Variants in SHTN1 observed in about 807,000 individuals in gnomAD.
SHTN1 encodes the protein shootin 1.
A neutral mutation model predicts 83.1 loss-of-function variants in SHTN1; 42 were observed. The observed-to-expected ratio is 0.51, with a 90% CI of 0.39 to 0.65. The LOEUF is 0.65. Ranked by LOEUF, SHTN1 falls within the 30% of genes least tolerant of loss-of-function variation. The pLI is 0.00. For synonymous variants in SHTN1, 224 were observed against 247.7 expected (o/e 0.90, Z 0.90); for missense variants, 622 against 737.8 (o/e 0.84, Z 1.82).
At chr10:117,008,068 C>A (rs1048454456), upstream of SHTN1, among the ~76,000 whole-genome samples, 1 of 151,894 alleles carries the variant, frequency 6.6e-6, no homozygotes, top group African/African-American at 2.4e-5. Context: ...TACTATTGAC[C>A]TCCAAATAAC....
chr10:117,008,444 T>C (rs1852053531), upstream of SHTN1, among the ~76,000 whole-genome samples: 1 of 152,168 alleles, frequency 6.6e-6, no homozygotes, highest in African/African-American at 2.4e-5. Flanking sequence ...CCTAAAAGGC[T>C]TATGTACAGA....
intron 16 of SHTN1, among the ~76,000 whole-genome samples, chr10:116,892,688 A>T (rs564472461): frequency 6.6e-6 from 1 of 152,326 alleles, no homozygotes; most frequent in Non-Finnish European, 1.5e-5. Flanking sequence ...AAAGTCACAA[A>T]TTACTTTTCA....
intron 3 of SHTN1, among the ~76,000 whole-genome samples, 182 bp downstream of exon 3, chr10:116,968,470 A>C (rs979090692): frequency 6.6e-6 from 1 of 152,222 alleles, no homozygotes; most frequent in African/African-American, 2.4e-5. Flanking sequence ...TGAAACAATG[A>C]TGTTTATTCC....
intron 1 of SHTN1, among the ~76,000 whole-genome samples, chr10:117,056,759 C>T (rs907896456): frequency 2.0e-5 from 3 of 151,986 alleles, no homozygotes; most frequent in African/African-American, 7.3e-5. Context: ...TGCAGTGAGC[C>T]GAGATGGTGC....
chr10:116,978,596 A>G (rs1053448132), intron 2 of SHTN1, among the ~76,000 whole-genome samples: 9 of 149,946 alleles, frequency 6.0e-5, no homozygotes, highest in Admixed American at 4.0e-4. Context: ...TACAAGAAAT[A>G]TATATATATA....
At chr10:116,894,201 A>G (rs1164218289) in intron 16 of SHTN1, among the ~76,000 whole-genome samples, 1 of 152,270 alleles carries the variant, frequency 6.6e-6, no homozygotes, top group Non-Finnish European at 1.5e-5. Flanking sequence ...ATGAACTCTT[A>G]CAAAAATAAA....
At chr10:117,077,628 C>T (rs1393830768) in intron 1 of SHTN1, among the ~76,000 whole-genome samples, 1 of 152,064 alleles carries the variant, frequency 6.6e-6, no homozygotes, top group African/African-American at 2.4e-5. Flanking sequence ...TCTCTCCCCG[C>T]TCCCCCCACC....
chr10:116,900,625 T>C (rs145125763), intron 16 of SHTN1: 181 of 1,524,504 alleles, frequency 1.2e-4, no homozygotes, highest in African/African-American at 1.1e-3. Context: ...CAAATTGCTT[T>C]TGTGTCTGGA....
chr10:117,039,643 G>A (rs975598477), intron 2 of SHTN1, among the ~76,000 whole-genome samples: 6 of 152,106 alleles, frequency 3.9e-5, no homozygotes, highest in Non-Finnish European at 5.9e-5. Context: ...CACGAGGTCA[G>A]GAGATCAAGA....
Position 116,985,114 on chromosome 10 carries a change from T to A in SHTN1, c.59-5806A>T, listed in dbSNP as rs576500454. 7.3e-4 allele frequency among the ~76,000 whole-genome samples: 111 copies of A among 152,356 alleles called. 2 individuals carry two copies. The South Asian group carries it at 0.022, about 30-fold the overall frequency. On this transcript the variant is annotated intron_variant, in intron 1 of 16. Coordinates refer to ENST00000355371, the MANE Select transcript of SHTN1 (RefSeq NM_001127211.3). ...CATACAGCTCTATTGGAGCATCTAC[T>A]TATAACATTATAAATTATCTGTGCA...
chr10:116,990,096 A>T (rs1352943491), intron 1 of SHTN1, among the ~76,000 whole-genome samples: 3 of 152,020 alleles, frequency 2.0e-5, no homozygotes, highest in African/African-American at 7.2e-5. Flanking sequence ...GAAGGTAAAA[A>T]TTTTTCCTTG....
chr10:116,940,439 C>G, intron 9 of SHTN1, 27 bp downstream of exon 9: 1 of 1,610,730 alleles, frequency 6.2e-7, no homozygotes, highest in East Asian at 2.2e-5. Flanking sequence ...GTGTGTGTAC[C>G]TAAGATTCCA....
In SHTN1 at chr10:116,883,005, G is replaced by A. The variant is rs1358928687; in HGVS notation, c.*3339C>T. On this transcript the variant is annotated 3_prime_UTR_variant, in exon 17 of 17. Coordinates refer to ENST00000355371, the MANE Select transcript of SHTN1 (RefSeq NM_001127211.3). Reference sequence around the variant, plus strand: ...ACACACACACACACACACACATCATGAGACTATGCCCTGGAACAGTGATAT... The same window carrying A: ...ACACACACACACACACACACATCATAAGACTATGCCCTGGAACAGTGATAT... The A allele has an allele frequency of 6.8e-6, 1 of 148,074 alleles. No homozygotes were observed. The highest frequency in any genetic ancestry group is 2.6e-5 in the African/African-American group (1 of 38,516). The allele number at this position is 148,074 out of a possible 1,614,324, so 9.2% of individuals were successfully genotyped here.
At chr10:117,117,851 G>A (rs1178334260) in intron 1 of SHTN1, among the ~76,000 whole-genome samples, 3 of 152,116 alleles carry the variant, frequency 2.0e-5, no homozygotes, top group Non-Finnish European at 4.4e-5. Context: ...GCGGCCAAAT[G>A]AAACTAGACC....
At chr10:117,012,216 A>C (rs1162186536) in intron 2 of SHTN1, among the ~76,000 whole-genome samples, 1 of 152,100 alleles carries the variant, frequency 6.6e-6, no homozygotes, top group African/African-American at 2.4e-5. Context: ...TTTAACCTAT[A>C]GATCCAATGC....
chr10:116,993,217 G>A (rs548735667), intron 1 of SHTN1, among the ~76,000 whole-genome samples: 19 of 151,912 alleles, frequency 1.3e-4, no homozygotes, highest in Non-Finnish European at 1.9e-4. Context: ...AGGTTTCACC[G>A]TGTTAGCCAG....
intron 1 of SHTN1, among the ~76,000 whole-genome samples, chr10:117,116,386 A>AAGT (rs1287799529): frequency 1.3e-5 from 2 of 152,154 alleles, no homozygotes; most frequent in Non-Finnish European, 2.9e-5. Context: ...AAACCTCAAC[A>AAGT]AACCAGTAAC....
intron 3 of SHTN1, among the ~76,000 whole-genome samples, chr10:116,960,487 T>C (rs1444747585): frequency 6.6e-6 from 1 of 152,040 alleles, no homozygotes; most frequent in African/African-American, 2.4e-5. Context: ...AAGAGCGCTA[T>C]TTAGATTTTT....
At chr10:116,910,081 G>A (rs113238614) in intron 14 of SHTN1, among the ~76,000 whole-genome samples, 152 of 152,236 alleles carry the variant, frequency 1.0e-3, no homozygotes, top group Middle Eastern at 3.4e-3. Flanking sequence ...CTGGCAGGTC[G>A]AGCTAGGAGC....
Sources: allele counts gnomAD v4.1 joint callset (sites outside exome capture counted in the v4.1 genomes callset), GRCh38; gene constraint gnomAD v4.1.1; transcripts MANE v1.5; gene names NCBI Gene and HGNC (gene_info 2026-07-23, HGNC 2026-07-21).